CA10: variants seen among roughly 807,000 people sequenced by gnomAD.
The protein encoded by CA10 is carbonic anhydrase-related protein 10.
CA10 carries 14 observed loss-of-function variants against 44.2 expected under a neutral mutation model. That is an observed-to-expected ratio of 0.32 (90% CI 0.21 to 0.50). The LOEUF is 0.50. Ranked by LOEUF, CA10 falls within the 20% of genes least tolerant of loss-of-function variation. The pLI, the probability that CA10 is intolerant of heterozygous loss-of-function variation, is 0.99. For missense variants in CA10, 350 were observed against 409.7 expected (o/e 0.85, Z 1.26); for synonymous variants, 159 against 141.6 (o/e 1.12, Z -0.87).
chr17:52,004,441 T>A (rs1248980263), intron 2 of CA10, among the ~76,000 whole-genome samples: 1 of 151,936 alleles, frequency 6.6e-6, no homozygotes, highest in African/African-American at 2.4e-5. Flanking sequence ...ATTTCTAAAA[T>A]AAGTATAACA....
chr17:51,660,557 T>G (rs1257703820), intron 4 of CA10, among the ~76,000 whole-genome samples: 3 of 152,200 alleles, frequency 2.0e-5, no homozygotes, highest in Non-Finnish European at 4.4e-5. Context: ...CACTAGTGCA[T>G]GCCGGGGGCT....
intron 3 of CA10, among the ~76,000 whole-genome samples, chr17:51,871,394 A>ATTTTTT (rs11438821): frequency 1.8e-4 from 15 of 81,290 alleles, no homozygotes; most frequent in African/African-American, 4.0e-4. Context: ...ACCAGGCCTA[A>ATTTTTT]TTTTTTTTTT....
chr17:51,640,602 C>G (rs1351817213), intron 6 of CA10, among the ~76,000 whole-genome samples: 3 of 152,172 alleles, frequency 2.0e-5, no homozygotes, highest in African/African-American at 7.2e-5. Context: ...AAGCCACTGG[C>G]TAACTTTCTG....
At chr17:51,955,828 G>T (rs941205655) in intron 2 of CA10, among the ~76,000 whole-genome samples, 8 of 152,060 alleles carry the variant, frequency 5.3e-5, no homozygotes, top group Non-Finnish European at 7.4e-5. Context: ...GGCCTATCAG[G>T]GGGTAGGGGG....
At chr17:51,927,647 C>T (rs541633413) in intron 3 of CA10, among the ~76,000 whole-genome samples, 3 of 152,208 alleles carry the variant, frequency 2.0e-5, no homozygotes, top group South Asian at 2.1e-4. Flanking sequence ...AAACACACTG[C>T]GTACACTCAC....
intron 3 of CA10, among the ~76,000 whole-genome samples, chr17:51,892,043 G>A (rs1468269013): frequency 3.9e-5 from 6 of 152,328 alleles, no homozygotes; most frequent in South Asian, 2.1e-4. Flanking sequence ...CATGGCATTC[G>A]CCAGAGAACT....
At chr17:52,147,985 C>G (rs1989625218) in intron 1 of CA10, among the ~76,000 whole-genome samples, 1 of 152,200 alleles carries the variant, frequency 6.6e-6, no homozygotes, top group African/African-American at 2.4e-5. Context: ...AATTCACAGC[C>G]AAGGACAGCA....
chr17:52,001,060 G>A (rs1985407349), intron 2 of CA10, among the ~76,000 whole-genome samples: 1 of 147,938 alleles, frequency 6.8e-6, no homozygotes, highest in African/African-American at 2.6e-5. Flanking sequence ...TCTTTTTGTT[G>A]TTAATTGTCT....
At chr17:51,925,086 A>C (rs1358901341) in intron 3 of CA10, among the ~76,000 whole-genome samples, 1 of 151,840 alleles carries the variant, frequency 6.6e-6, no homozygotes, top group African/African-American at 2.4e-5. Flanking sequence ...ATGGGGTCTT[A>C]TTATGTTGCT....
intron 3 of CA10, among the ~76,000 whole-genome samples, chr17:51,855,833 T>C (rs1250429169): frequency 6.6e-6 from 1 of 152,192 alleles, no homozygotes; most frequent in African/African-American, 2.4e-5. Flanking sequence ...AAGTAATCAG[T>C]GTACAGAAAG....
intron 2 of CA10, among the ~76,000 whole-genome samples, chr17:52,008,255 A>G (rs1194978278): frequency 1.3e-5 from 2 of 151,856 alleles, no homozygotes; most frequent in African/African-American, 4.8e-5. Flanking sequence ...AGTCGATAAA[A>G]TCAACAATTA....
chr17:51,726,664 C>A (rs893363442), intron 4 of CA10, among the ~76,000 whole-genome samples: 1 of 152,268 alleles, frequency 6.6e-6, no homozygotes, highest in East Asian at 1.9e-4. Context: ...CTTAACTCTC[C>A]AATGGATATC....
chr17:51,816,615 T>C (rs1429892487), intron 3 of CA10, among the ~76,000 whole-genome samples: 5 of 152,244 alleles, frequency 3.3e-5, no homozygotes, highest in Non-Finnish European at 1.5e-5. Flanking sequence ...AATTTTCTAA[T>C]ACAAATCAGA....
chr17:52,059,222 T>C (rs1030691102), intron 2 of CA10, among the ~76,000 whole-genome samples: 1 of 152,170 alleles, frequency 6.6e-6, no homozygotes, highest in African/African-American at 2.4e-5. Flanking sequence ...CAATATTCTA[T>C]TCCTTAATGC....
intron 1 of CA10, among the ~76,000 whole-genome samples, chr17:52,099,036 G>A (rs1220058628): frequency 6.6e-6 from 1 of 152,288 alleles, no homozygotes; most frequent in African/African-American, 2.4e-5. Flanking sequence ...GTGGTGTTAT[G>A]CTGAAAATAA....
At chr17:52,011,250 T>G (rs1985786152) in intron 2 of CA10, among the ~76,000 whole-genome samples, 1 of 146,062 alleles carries the variant, frequency 6.8e-6, no homozygotes, top group Non-Finnish European at 1.5e-5. Flanking sequence ...AGGATGATGA[T>G]GAAAATTTTC....
intron 2 of CA10, among the ~76,000 whole-genome samples, chr17:51,993,473 C>T (rs748347089): frequency 6.6e-6 from 1 of 152,010 alleles, no homozygotes; most frequent in Non-Finnish European, 1.5e-5. Context: ...GACATGAGGT[C>T]ACTTTGGAGA....
intron 3 of CA10, among the ~76,000 whole-genome samples, chr17:51,853,652 T>G (rs1187832044): frequency 1.3e-5 from 2 of 152,196 alleles, no homozygotes; most frequent in Admixed American, 6.5e-5. Flanking sequence ...TGATATGGCT[T>G]GGCTCTGTGT....
chr17:51,644,409 G>T (rs1403921149), intron 6 of CA10, among the ~76,000 whole-genome samples: 4 of 152,146 alleles, frequency 2.6e-5, no homozygotes, highest in Non-Finnish European at 4.4e-5. Context: ...GATTTGAGTT[G>T]CTCTTTCAAA....
Sources: gnomAD v4.1 joint callset for allele counts (sites outside exome capture counted in the v4.1 genomes callset) on GRCh38, gnomAD v4.1.1 for gene constraint, MANE v1.5 for transcripts, NCBI Gene and HGNC (gene_info 2026-07-23, HGNC 2026-07-21) for gene names.